The following ZFYVE28 variants were observed in gnomAD, a reference collection of about 807,000 sequenced individuals.
ZFYVE28 encodes zinc finger FYVE-type containing 28, also known as lateral signaling target protein 2 homolog.
ZFYVE28 carries 40 observed loss-of-function variants against 82.1 expected under a neutral mutation model. That is an observed-to-expected ratio of 0.49 (90% CI 0.38 to 0.63). The LOEUF (loss-of-function observed/expected upper bound fraction) is 0.63, where lower values mean the gene tolerates loss of function less well. Among genes scored for constraint, ZFYVE28 ranks in the 30% least tolerant of loss-of-function variants. The pLI is 0.00. For missense variants in ZFYVE28, 1,321 were observed against 1,242.1 expected (o/e 1.06, Z -0.96); for synonymous variants, 612 against 546.1 (o/e 1.12, Z -1.68).
intron 1 of ZFYVE28, among the ~76,000 whole-genome samples, chr4:2,403,807 A>T (rs1370451114): frequency 6.6e-6 from 1 of 152,096 alleles, no homozygotes; most frequent in Non-Finnish European, 1.5e-5. Flanking sequence ...TCTACTAAAA[A>T]TACAAAAAAA....
rs894338109 is a variant in ZFYVE28, at chr4:2,372,243, C to T, written c.40-18170G>A. On this transcript the variant is annotated intron_variant, in intron 1 of 12. Coordinates refer to ENST00000290974, the MANE Select transcript of ZFYVE28 (RefSeq NM_020972.3). This position sits in a 1 kb window ranked among gnomAD's most constrained non-coding sequence, Gnocchi z 5.2. Reference sequence around the variant, plus strand: ...GGTTTCCATCCTAGAAGGATGGTGGCGGGGCTGAGTCTGGTTCCGAGAAGG... The same window carrying T: ...GGTTTCCATCCTAGAAGGATGGTGGTGGGGCTGAGTCTGGTTCCGAGAAGG... Among the ~76,000 whole-genome samples the T allele has an allele frequency of 2.6e-5, 4 of 152,074 alleles. No individual in the cohort carries two copies. The highest frequency in any genetic ancestry group is 9.7e-5 in the African/African-American group (4 of 41,404).
intron 2 of ZFYVE28, among the ~76,000 whole-genome samples, chr4:2,345,035 C>A (rs1227491932): frequency 6.6e-6 from 1 of 151,868 alleles, no homozygotes; most frequent in Non-Finnish European, 1.5e-5. Context: ...CACAGTGAAA[C>A]CCCGTCTCTA....
intron 1 of ZFYVE28, among the ~76,000 whole-genome samples, chr4:2,368,959 CTA>C (rs543627026): frequency 7.3e-4 from 111 of 152,354 alleles, no homozygotes; most frequent in African/African-American, 2.3e-3. Flanking sequence ...TCTGATTTCC[CTA>C]TGTCTTCGCC....
At position 2,356,797 on chromosome 4, in the gene ZFYVE28, C is replaced by T. The variant is rs550505574; in HGVS notation, c.40-2724G>A. 7.2e-5 allele frequency among the ~76,000 whole-genome samples: 11 copies of T among 152,188 alleles called. 1 individual carries two copies. The East Asian group carries it at 1.9e-3, about 27-fold the overall frequency. On this transcript the variant is annotated intron_variant, in intron 1 of 12. Coordinates refer to ENST00000290974, the MANE Select transcript of ZFYVE28 (RefSeq NM_020972.3). Reference sequence around the variant, plus strand: ...TCCTGGCCCTTCCCCAAGGCCCGAGCCCCAGGGAGTGCTGCACTTTCGAAG... The same window carrying T: ...TCCTGGCCCTTCCCCAAGGCCCGAGTCCCAGGGAGTGCTGCACTTTCGAAG...
At chr4:2,277,100 G>A (rs1736535212) in intron 8 of ZFYVE28, among the ~76,000 whole-genome samples, 1 of 152,236 alleles carries the variant, frequency 6.6e-6, no homozygotes, top group Non-Finnish European at 1.5e-5. Flanking sequence ...GAAGGCTCAG[G>A]GGTATTATTG....
chr4:2,292,558 T>C (rs577975730), intron 8 of ZFYVE28, among the ~76,000 whole-genome samples: 17 of 152,286 alleles, frequency 1.1e-4, no homozygotes, highest in South Asian at 8.3e-4. Flanking sequence ...GTCAGGAGGA[T>C]GGAGCAGGGT....
At chr4:2,308,683 G>GAAAGAAAGAAAGAGAAAGAAAGA (rs1553830773) in intron 7 of ZFYVE28, among the ~76,000 whole-genome samples, 1,083 of 81,246 alleles carry the variant, frequency 0.013, 11 homozygotes, top group East Asian at 0.018. Flanking sequence ...GAAAGAGAAA[G>GAAAGAAAGAAAGAGAAAGAAAGA]AAAGAAAAGA....
chr4:2,357,920 A>G (rs910793857), intron 1 of ZFYVE28, among the ~76,000 whole-genome samples: 2 of 152,180 alleles, frequency 1.3e-5, no homozygotes, highest in African/African-American at 4.8e-5. Context: ...CCAGGTCAAC[A>G]CGGGCCCCTC....
intron 8 of ZFYVE28, among the ~76,000 whole-genome samples, chr4:2,279,558 T>A (rs1711640180): frequency 6.6e-6 from 1 of 152,004 alleles, no homozygotes; most frequent in Non-Finnish European, 1.5e-5. Flanking sequence ...GGTGGGCGGA[T>A]CACGAGGTCA....
At chr4:2,356,888 AT>A (rs924079183) in intron 1 of ZFYVE28, among the ~76,000 whole-genome samples, 1 of 151,850 alleles carries the variant, frequency 6.6e-6, no homozygotes. Flanking sequence ...TGCAAAGGTC[AT>A]TTTTTTTGAG....
At chr4:2,275,035 C>T (rs1442963205) in intron 8 of ZFYVE28, among the ~76,000 whole-genome samples, 3 of 152,114 alleles carry the variant, frequency 2.0e-5, no homozygotes, top group Admixed American at 6.5e-5. Context: ...CCCACCTACA[C>T]TTCCCTGCCT....
chr4:2,301,147 T>C (rs982712186), intron 8 of ZFYVE28, among the ~76,000 whole-genome samples: 1 of 152,160 alleles, frequency 6.6e-6, no homozygotes, highest in Admixed American at 6.5e-5. Flanking sequence ...CACCCCCGTA[T>C]TGGTGTGAGG....
Position 2,401,534 on chromosome 4 carries a change from C to A in ZFYVE28, c.39+16751G>T, listed in dbSNP as rs577937946. ...CTCTGACACCAGACGGTGCTACCTG[C>A]CCCACCCCAGGCCCTCCCCCTCCTC... On this transcript the variant is annotated intron_variant, in intron 1 of 12. Transcript: ENST00000290974. Among the ~76,000 whole-genome samples, 5 of 152,302 alleles carry A rather than the reference C, an allele frequency of 3.3e-5. No homozygotes were observed. In the East Asian group the frequency reaches 9.7e-4, roughly 29 times the overall value.
At position 2,409,908 on chromosome 4, in the gene ZFYVE28, C is replaced by T. The variant is rs900007059; in HGVS notation, c.39+8377G>A. On this transcript the variant is annotated intron_variant, in intron 1 of 12. Coordinates refer to ENST00000290974, the MANE Select transcript of ZFYVE28 (RefSeq NM_020972.3). The surrounding 1 kb of genome is among the most constrained non-coding windows in gnomAD (Gnocchi z 4.4). ...TCTTCAGAGACCAGGAAGATGCCCC[C>T]GCCAGGTGGCCACAGTCAGCGGGCC... Among the ~76,000 whole-genome samples the T allele has an allele frequency of 2.6e-5, 4 of 152,216 alleles. No individual in the cohort carries two copies. Among genetic ancestry groups the T allele is most frequent in the South Asian group, 2.1e-4 (1 of 4,826 alleles).
chr4:2,375,753 C>A (rs1033585499), intron 1 of ZFYVE28, among the ~76,000 whole-genome samples: 21 of 152,372 alleles, frequency 1.4e-4, no homozygotes, highest in African/African-American at 4.8e-4. Flanking sequence ...ACAGCCTCCA[C>A]CCCTCCCTTC....
intron 8 of ZFYVE28, among the ~76,000 whole-genome samples, chr4:2,274,434 G>A (rs1240963689): frequency 1.3e-5 from 2 of 152,186 alleles, no homozygotes; most frequent in African/African-American, 4.8e-5. Context: ...ACAGGGCTCT[G>A]AGCCAGTCCC....
intron 1 of ZFYVE28, among the ~76,000 whole-genome samples, chr4:2,369,217 T>C (rs905059129): frequency 2.0e-5 from 3 of 152,190 alleles, no homozygotes; most frequent in Admixed American, 6.5e-5. Flanking sequence ...CGCCGCACTC[T>C]GTGGACTGAC....
intron 2 of ZFYVE28, chr4:2,342,489 G>A (rs1173152373): frequency 2.0e-5 from 3 of 152,184 alleles, no homozygotes; most frequent in Non-Finnish European, 2.9e-5. Flanking sequence ...AAACTCCAGG[G>A]CTCCAGCCAT....
At chr4:2,343,815 T>C (rs1300562213) in intron 2 of ZFYVE28, among the ~76,000 whole-genome samples, 1 of 152,252 alleles carries the variant, frequency 6.6e-6, no homozygotes, top group African/African-American at 2.4e-5. Context: ...CTTGGATTCA[T>C]TGCCCAGCCT....
Sources: allele counts gnomAD v4.1 joint callset (sites outside exome capture counted in the v4.1 genomes callset), GRCh38; gene constraint gnomAD v4.1.1; non-coding constraint Gnocchi (gnomAD v3.1); transcripts MANE v1.5; gene names NCBI Gene and HGNC (gene_info 2026-07-23, HGNC 2026-07-21).